The following ETFA variants were observed in gnomAD, a reference collection of about 807,000 sequenced individuals.
ETFA encodes the protein electron transfer flavoprotein subunit alpha.
ETFA carries 22 observed loss-of-function variants against 46.2 expected under a neutral mutation model. The observed-to-expected ratio is 0.48, with a 90% CI of 0.34 to 0.68. The LOEUF (loss-of-function observed/expected upper bound fraction) is 0.68, where lower values mean the gene tolerates loss of function less well. Ranked by LOEUF, ETFA falls within the 30% of genes least tolerant of loss-of-function variation. ETFA has a pLI of 0.01. For synonymous variants in ETFA, 131 were observed against 139.9 expected, an observed-to-expected ratio of 0.94 and a Z score of 0.45; for missense variants, 345 against 401.1, an observed-to-expected ratio of 0.86 and a Z score of 1.19.
At chr15:76,265,140 G>A (rs1021697932) in intron 9 of ETFA, among the ~76,000 whole-genome samples, 6 of 152,196 alleles carry the variant, frequency 3.9e-5, no homozygotes, top group Non-Finnish European at 7.3e-5. Context: ...TTCCTAGGGA[G>A]CCACCAAAGA....
intron 9 of ETFA, among the ~76,000 whole-genome samples, chr15:76,273,169 G>T (rs1467115359): frequency 1.3e-5 from 2 of 152,034 alleles, no homozygotes; most frequent in Non-Finnish European, 2.9e-5. Flanking sequence ...CAAAGAATTT[G>T]TATGTAGGTT....
At chr15:76,218,469 C>A (rs979991857) in intron 11 of ETFA, among the ~76,000 whole-genome samples, 10 of 152,178 alleles carry the variant, frequency 6.6e-5, no homozygotes, top group Non-Finnish European at 4.4e-5. Flanking sequence ...TGGGGTTTCA[C>A]CAAGTTGGTC....
chr15:76,226,064 A>G (rs2039000956), intron 10 of ETFA, 135 bp from the exon 11 acceptor site: 1 of 637,870 alleles, frequency 1.6e-6, no homozygotes, highest in Admixed American at 2.8e-5. Context: ...CTGTGTCAAC[A>G]CTGTAAATTT....
rs568541223 is a variant in ETFA at position 76,289,233 on chromosome 15, C to T, written c.352-1288G>A. The stretch of plus-strand genomic sequence containing the variant: ...ACAGACATGAGCCACCATGCCCATT[C>T]TGAAGCACCTACTTAATCTGGTTTA... On this transcript the variant is annotated intron_variant, in intron 4 of 11. Transcript: ENST00000557943. Among the ~76,000 whole-genome samples the T allele has an allele frequency of 3.3e-5, 5 of 152,232 alleles. No individual in the cohort carries two copies. The East Asian group carries it at 9.6e-4, about 29-fold the overall frequency.
rs752918296 is a variant in ETFA at position 76,231,410 on chromosome 15, G to A, written c.817-12C>T. 73 of 1,548,062 alleles carry A rather than the reference G, an allele frequency of 4.7e-5. No individual in the cohort carries two copies. Among genetic ancestry groups the A allele is most frequent in the Non-Finnish European group, 5.6e-5 (63 of 1,120,604 alleles). ...GCAATATAAAGTTCCTGAAATAAAA[G>A]AGGTCACATTATTAATATGTATTTA... On this transcript the variant is annotated splice_polypyrimidine_tract_variant and intron_variant, in intron 9 of 11. Transcript: ENST00000557943.
intron 11 of ETFA, among the ~76,000 whole-genome samples, chr15:76,217,310 T>C (rs2038906411): frequency 6.6e-6 from 1 of 152,216 alleles, no homozygotes; most frequent in African/African-American, 2.4e-5. Context: ...ACTGCAATTA[T>C]GACTCCTGCC....
rs570807911 is a variant in ETFA at position 76,261,618 on chromosome 15, CCAGCAGCAGCCCCAGCTGCTGTGGCGG to C, written c.816+12767_816+12793del. 1.7e-3 allele frequency: 740 copies of C among 439,372 alleles called. 5 individuals are homozygous for C. Among genetic ancestry groups the C allele is most frequent in the African/African-American group, 0.014 (678 of 49,228 alleles). 27.2% of individuals were successfully genotyped at this position (439,372 alleles called of 1,614,324 possible). A position where few individuals can be genotyped will look rare whatever the true frequency, so the allele number is the denominator to read the frequency against. On this transcript the variant is annotated intron_variant, in intron 9 of 11. Transcript: ENST00000557943. ...GGGAGCAGCAGAGAAGTCAGAGCCG[CCAGCAGCAGCCCCAGCTGCTGTGGCGG>C]CAGCAGCAGGAGCCCCAGCCGCCCC... is the stretch of plus-strand genomic sequence containing the variant.
chr15:76,230,218 C>T (rs1427801649), intron 10 of ETFA: 11 of 48,516 alleles, frequency 2.3e-4, no homozygotes, highest in African/African-American at 7.6e-4. Context: ...ACTTATTGCA[C>T]TTTTTTTTTT....
chr15:76,285,845 T>A (rs2039700464), intron 6 of ETFA, 107 bp from the exon 7 acceptor site: 2 of 769,736 alleles, frequency 2.6e-6, no homozygotes, highest in East Asian at 5.3e-5. Context: ...AAATTTAAGT[T>A]AATTACTGTG....
chr15:76,235,849 A>T (rs1157670333), intron 9 of ETFA, among the ~76,000 whole-genome samples: 1 of 152,180 alleles, frequency 6.6e-6, no homozygotes, highest in African/African-American at 2.4e-5. Flanking sequence ...ACAGGGGCCC[A>T]CTTTTGCCAT....
chr15:76,224,789 G>A (rs765899147), intron 11 of ETFA, among the ~76,000 whole-genome samples: 4 of 152,156 alleles, frequency 2.6e-5, no homozygotes, highest in Non-Finnish European at 5.9e-5. Flanking sequence ...AGTGATTTCT[G>A]CATAAGATAA....
intron 4 of ETFA, among the ~76,000 whole-genome samples, chr15:76,289,713 T>C (rs1009978747): frequency 6.6e-6 from 1 of 152,252 alleles, no homozygotes; most frequent in African/African-American, 2.4e-5. Context: ...AAAAGTGTGT[T>C]ATCTCAAAAC....
intron 9 of ETFA, among the ~76,000 whole-genome samples, chr15:76,272,091 T>C (rs182109831): frequency 2.0e-5 from 3 of 152,276 alleles, no homozygotes; most frequent in Admixed American, 2.0e-4. Context: ...TGCCATTTAT[T>C]TTCAATATAG....
chr15:76,225,902 C>T lies in ETFA; in HGVS notation c.910G>A (p.Glu304Lys). Residue 304 changes from glutamate to lysine, a missense_variant, in exon 11 of 12, where the codon GAA becomes AAA. By Grantham distance (56) the Glu-to-Lys change is moderately conservative. Coordinates refer to ENST00000557943, the MANE Select transcript of ETFA (RefSeq NM_000126.4). ...TCTGCCACTTGGAAAATTGGAGCTTCTGGGTCTTTATTAATTGCCACAATT... is the reference window on the plus strand; with the variant it reads ...TCTGCCACTTGGAAAATTGGAGCTTTTGGGTCTTTATTAATTGCCACAATT... ...KTIVAINKDP[E>K]APIFQVADYG... 1.2e-6 allele frequency: 2 copies of T among 1,611,526 alleles called. No homozygotes were observed. The highest frequency in any genetic ancestry group is 1.7e-6 in the Non-Finnish European group (2 of 1,177,708).
intron 9 of ETFA, among the ~76,000 whole-genome samples, chr15:76,249,849 A>G (rs965079413): frequency 6.6e-6 from 1 of 152,202 alleles, no homozygotes; most frequent in African/African-American, 2.4e-5. Flanking sequence ...GAACTGCAAA[A>G]GTTTTTTTAA....
At chr15:76,291,422 G>T (rs1393932802) in intron 4 of ETFA, among the ~76,000 whole-genome samples, 1 of 145,690 alleles carries the variant, frequency 6.9e-6, no homozygotes, top group African/African-American at 2.6e-5. Context: ...TCCAGCCTGG[G>T]CGAGGAAAGT....
chr15:76,300,992 C>T (rs1332918794), intron 1 of ETFA, among the ~76,000 whole-genome samples: 1 of 152,166 alleles, frequency 6.6e-6, no homozygotes, highest in East Asian at 1.9e-4. Flanking sequence ...GAGCCAGCCA[C>T]GTTGCCTGGG....
chr15:76,253,348 A>AT (rs904715260), intron 9 of ETFA, among the ~76,000 whole-genome samples: 14 of 152,130 alleles, frequency 9.2e-5, no homozygotes, highest in Non-Finnish European at 1.9e-4. Context: ...AGTATTACAT[A>AT]TTTTTTTCAA....
chr15:76,253,779 T>A (rs998859583), intron 9 of ETFA, among the ~76,000 whole-genome samples: 3 of 152,236 alleles, frequency 2.0e-5, no homozygotes, highest in African/African-American at 7.2e-5. Context: ...GCCAAAAACC[T>A]AATGCATTAT....
Sources: allele counts gnomAD v4.1 joint callset (sites outside exome capture counted in the v4.1 genomes callset), GRCh38; gene constraint gnomAD v4.1.1; transcripts MANE v1.5; gene names NCBI Gene and HGNC (gene_info 2026-07-23, HGNC 2026-07-21).